Variants in CACNA2D1 observed in about 807,000 individuals in gnomAD.
CACNA2D1 encodes voltage-dependent calcium channel subunit alpha-2/delta-1.
In CACNA2D1, 53 loss-of-function variants were observed where a neutral mutation model predicts 171.5. That is an observed-to-expected ratio of 0.31 (90% CI 0.25 to 0.39). The LOEUF is 0.39. CACNA2D1 is among the 10% of genes least tolerant of loss of function. The pLI, the probability that CACNA2D1 is intolerant of heterozygous loss-of-function variation, is 1.00. For missense variants in CACNA2D1, 903 were observed against 1,299.8 expected (o/e 0.69, Z 4.69); for synonymous variants, 442 against 443.1 (o/e 1.00, Z 0.03).
intron 1 of CACNA2D1, among the ~76,000 whole-genome samples, chr7:82,354,318 C>A (rs1820187290): frequency 1.3e-5 from 2 of 152,070 alleles, no homozygotes; most frequent in Non-Finnish European, 2.9e-5. Context: ...GGTAAGAAAT[C>A]TTTTCTCCCC....
At chr7:82,333,225 AT>A (rs1335940465) in intron 3 of CACNA2D1, among the ~76,000 whole-genome samples, 1 of 152,174 alleles carries the variant, frequency 6.6e-6, no homozygotes, top group Non-Finnish European at 1.5e-5. Flanking sequence ...CCCAGTAGAC[AT>A]TTTCCTGGAT....
chr7:82,170,552 C>G lies in CACNA2D1; in HGVS notation c.352G>C (p.Ala118Pro), dbSNP rs777936831. The G allele has an allele frequency of 1.9e-6, 3 of 1,612,046 alleles. No individual in the cohort carries two copies. Among genetic ancestry groups the G allele is most frequent in the African/African-American group, 2.7e-5 (2 of 74,800 alleles). ...QAAHQWREDFASNEVVYYNAK... is the reference protein window; with the variant it reads ...QAAHQWREDFPSNEVVYYNAK... ...AAGTAGTTAAAAGGGGTTCTTACTG[C>G]AAAATCTTCTCTCCACTGGTGAGCT... The change falls in exon 4 of 39, where the codon GCA (alanine) becomes CCA (proline). Residue 118 changes from alanine (A) to proline (P), a missense_variant and splice_region_variant. Around this residue, in one of 5 missense-constraint regions of CACNA2D1, gnomAD observed 189 missense variants for 266.8 expected, o/e 0.71. Coordinates refer to ENST00000356860, the MANE Select transcript of CACNA2D1 (RefSeq NM_000722.4).
Position 81,961,959 on chromosome 7 carries a change from G to T in CACNA2D1, c.2901C>A (p.Thr967=), listed in dbSNP as rs765155361. ...LSKQSCITEQ[T]QYFFDNDSKS... The stretch of plus-strand genomic sequence containing the variant: ...TACTGTCGTTATCGAAGAAATACTG[G>T]GTTTGTTCAGTAATGCAGCTCTGCT... Residue 967 remains threonine, a synonymous_variant, in exon 36 of 39, where the codon ACC becomes ACA. Transcript: ENST00000356860. 1 of 1,610,634 alleles carries T rather than the reference G, an allele frequency of 6.2e-7. No homozygotes were observed. Among genetic ancestry groups the T allele is most frequent in the African/African-American group, 1.3e-5 (1 of 74,852 alleles).
At chr7:82,319,074 G>A in intron 3 of CACNA2D1, among the ~76,000 whole-genome samples, 1 of 152,094 alleles carries the variant, frequency 6.6e-6, no homozygotes, top group Non-Finnish European at 1.5e-5. Flanking sequence ...CTATAAAATT[G>A]AGACTATCAA....
intron 3 of CACNA2D1, among the ~76,000 whole-genome samples, chr7:82,278,036 C>T (rs577655487): frequency 1.4e-4 from 22 of 152,076 alleles, no homozygotes; most frequent in African/African-American, 4.8e-4. Flanking sequence ...TGTGAGTCAC[C>T]ACACCCAGCC....
chr7:82,087,385 C>T (rs1810599232), intron 6 of CACNA2D1, among the ~76,000 whole-genome samples: 1 of 152,102 alleles, frequency 6.6e-6, no homozygotes, highest in Admixed American at 6.5e-5. Context: ...ATCGTGTTCA[C>T]TGAACAATGT....
chr7:82,308,963 G>A (rs941098043), intron 3 of CACNA2D1, among the ~76,000 whole-genome samples: 7 of 152,194 alleles, frequency 4.6e-5, no homozygotes, highest in African/African-American at 1.7e-4. Context: ...GTGGAGAAGG[G>A]CTATTTGGAA....
intron 34 of CACNA2D1, among the ~76,000 whole-genome samples, chr7:81,963,448 T>TGATCTTCCA (rs1794376667): frequency 6.6e-6 from 1 of 151,910 alleles, no homozygotes; most frequent in Non-Finnish European, 1.5e-5. Flanking sequence ...ATGAGAAATG[T>TGATCTTCCA]GATCTTCCAG....
At chr7:82,285,987 G>T (rs1027577440) in intron 3 of CACNA2D1, among the ~76,000 whole-genome samples, 9 of 152,066 alleles carry the variant, frequency 5.9e-5, no homozygotes, top group Non-Finnish European at 1.0e-4. Context: ...CATTTTCTTG[G>T]GCTATCCAAT....
In CACNA2D1 at chr7:82,137,609, C is replaced by T. The variant is rs534114538; in HGVS notation, c.355-933G>A. Among the ~76,000 whole-genome samples, 288 of 151,158 alleles carry T rather than the reference C, an allele frequency of 1.9e-3. 1 individual carries two copies. Among genetic ancestry groups the T allele is most frequent in the Non-Finnish European group, 3.1e-3 (209 of 67,876 alleles). ...AATTTTAGGCTGACGCGGTGGCTCA[C>T]GCCTGTAATCCCAGCACTTCGGGAG... On this transcript the variant is annotated intron_variant, in intron 4 of 38. Coordinates refer to ENST00000356860, the MANE Select transcript of CACNA2D1 (RefSeq NM_000722.4).
intron 3 of CACNA2D1, among the ~76,000 whole-genome samples, chr7:82,309,565 G>A (rs972244159): frequency 1.3e-5 from 2 of 152,124 alleles, no homozygotes; most frequent in Non-Finnish European, 2.9e-5. Context: ...TATTTTTTAT[G>A]CTTGTTTAAT....
At chr7:82,391,256 C>G (rs1825087905) in intron 1 of CACNA2D1, among the ~76,000 whole-genome samples, 2 of 152,194 alleles carry the variant, frequency 1.3e-5, no homozygotes, top group Non-Finnish European at 2.9e-5. Flanking sequence ...ACAACACATT[C>G]ACCACACAAG....
intron 3 of CACNA2D1, among the ~76,000 whole-genome samples, chr7:82,187,622 T>C (rs1204874084): frequency 6.6e-6 from 1 of 152,184 alleles, no homozygotes; most frequent in Non-Finnish European, 1.5e-5. Context: ...TGAATTAGAA[T>C]TGATTTAATA....
intron 5 of CACNA2D1, among the ~76,000 whole-genome samples, chr7:82,121,782 T>C (rs961971433): frequency 2.0e-5 from 3 of 152,098 alleles, no homozygotes; most frequent in Admixed American, 2.0e-4. Context: ...CATATGAGCT[T>C]AGGTAATATA....
intron 10 of CACNA2D1, among the ~76,000 whole-genome samples, chr7:82,059,319 A>C (rs1192124022): frequency 6.6e-6 from 1 of 152,148 alleles, no homozygotes; most frequent in Non-Finnish European, 1.5e-5. Context: ...TTTGCTTCAT[A>C]GTTCAGTACT....
intron 3 of CACNA2D1, among the ~76,000 whole-genome samples, chr7:82,290,846 T>A (rs1370838132): frequency 6.6e-6 from 1 of 152,090 alleles, no homozygotes. Context: ...TCCACTCACC[T>A]CGGCCTCCCA....
chr7:82,090,602 T>C (rs1310897197), intron 6 of CACNA2D1, among the ~76,000 whole-genome samples: 1 of 152,056 alleles, frequency 6.6e-6, no homozygotes, highest in Non-Finnish European at 1.5e-5. Context: ...GACAGTATAT[T>C]TAATACTGTC....
chr7:82,056,009 T>TAAAAA (rs61512655), intron 10 of CACNA2D1, among the ~76,000 whole-genome samples: 21 of 42,188 alleles, frequency 5.0e-4, no homozygotes, highest in South Asian at 1.5e-3. Flanking sequence ...ACTCAAAAGT[T>TAAAAA]AAAAAAAAAA....
chr7:82,209,529 G>C (rs569487027), intron 3 of CACNA2D1, among the ~76,000 whole-genome samples: 2 of 152,112 alleles, frequency 1.3e-5, no homozygotes, highest in Non-Finnish European at 2.9e-5. Flanking sequence ...TACCAACGGT[G>C]TCAATCAAAC....
Sources: allele counts gnomAD v4.1 joint callset (sites outside exome capture counted in the v4.1 genomes callset), GRCh38; gene constraint gnomAD v4.1.1; regional missense constraint gnomAD v4.1.1; transcripts MANE v1.5; gene names NCBI Gene and HGNC (gene_info 2026-07-23, HGNC 2026-07-21).